CACNG2: variants seen among roughly 807,000 people sequenced by gnomAD.
CACNG2 encodes the protein calcium voltage-gated channel auxiliary subunit gamma 2.
Under a neutral mutation model 25.9 loss-of-function variants are expected in CACNG2, and 3 were observed. The observed-to-expected ratio is 0.12, with a 90% CI of 0.05 to 0.30. CACNG2 has a LOEUF of 0.30. Ranked by LOEUF, CACNG2 falls within the 10% of genes least tolerant of loss-of-function variation. The pLI is 1.00. For missense variants in CACNG2, 341 were observed against 432.5 expected, an observed-to-expected ratio of 0.79 and a Z score of 1.88; for synonymous variants, 167 against 173.3, an observed-to-expected ratio of 0.96 and a Z score of 0.29.
intron 1 of CACNG2, among the ~76,000 whole-genome samples, chr22:36,616,973 GA>G (rs533982536): frequency 6.4e-4 from 97 of 152,314 alleles, no homozygotes; most frequent in African/African-American, 2.2e-3. Context: ...CCAGGAAAGG[GA>G]CACAGACATT....
chr22:36,676,178 A>G (rs1431095572), intron 1 of CACNG2, among the ~76,000 whole-genome samples: 1 of 152,196 alleles, frequency 6.6e-6, no homozygotes, highest in Admixed American at 6.5e-5. Flanking sequence ...TGCTGCCCCA[A>G]TATGGGTTTT....
At position 36,564,335 on chromosome 22, in the gene CACNG2, G is replaced by C; in HGVS notation, c.*16C>G. ...CGCGCCCTCCTCCCGCGGTCTTCTGGCGAGGCCCGCGGTCTTTATACGGGG... is the reference window on the plus strand; with the variant it reads ...CGCGCCCTCCTCCCGCGGTCTTCTGCCGAGGCCCGCGGTCTTTATACGGGG... On this transcript the variant is annotated 3_prime_UTR_variant, in exon 4 of 4. Coordinates refer to ENST00000300105, the MANE Select transcript of CACNG2 (RefSeq NM_006078.5). This position sits in a 1 kb window ranked among gnomAD's most constrained non-coding sequence, Gnocchi z 6.7. 6.2e-7 allele frequency: 1 copy of C among 1,606,466 alleles called. No homozygotes were observed. The highest frequency in any genetic ancestry group is 8.5e-7 in the Non-Finnish European group (1 of 1,176,630).
chr22:36,624,847 G>A (rs1419048072), intron 1 of CACNG2, among the ~76,000 whole-genome samples: 1 of 151,868 alleles, frequency 6.6e-6, no homozygotes, highest in Non-Finnish European at 1.5e-5. Context: ...GGCCAACATG[G>A]TGAAACCCTG....
Position 36,561,613 on chromosome 22 carries a change from C to A in CACNG2, c.*2738G>T, listed in dbSNP as rs1935029990. The A allele has an allele frequency of 6.6e-6, 1 of 152,238 alleles. No homozygotes were observed. The highest frequency in any genetic ancestry group is 1.5e-5 in the Non-Finnish European group (1 of 68,078). 9.4% of individuals were successfully genotyped at this position (152,238 alleles called of 1,614,324 possible). A position where few individuals can be genotyped will look rare whatever the true frequency, so the allele number is the denominator to read the frequency against. ...CTTACTAGCCATTCTCTAGAACTCC[C>A]CAGAGAGCTCAACCTCAGGAAATGC... On this transcript the variant is annotated 3_prime_UTR_variant, in exon 4 of 4. Coordinates refer to ENST00000300105, the MANE Select transcript of CACNG2 (RefSeq NM_006078.5).
At chr22:36,575,619 A>T (rs1935300300) in intron 2 of CACNG2, among the ~76,000 whole-genome samples, 1 of 152,012 alleles carries the variant, frequency 6.6e-6, no homozygotes. Context: ...AGCATGTGCT[A>T]TTCCTTCTCT....
intron 1 of CACNG2, among the ~76,000 whole-genome samples, chr22:36,610,217 G>A (rs1364521489): frequency 2.0e-5 from 3 of 151,054 alleles, no homozygotes; most frequent in East Asian, 2.0e-4. Context: ...CCCTTAGAGC[G>A]TGATTGGGCA....
At chr22:36,568,806 G>C (rs1051420984) in intron 2 of CACNG2, among the ~76,000 whole-genome samples, 3 of 152,110 alleles carry the variant, frequency 2.0e-5, no homozygotes, top group Admixed American at 1.3e-4. Context: ...GGGTTATTTG[G>C]GGGGGACCTG....
intron 2 of CACNG2, among the ~76,000 whole-genome samples, chr22:36,570,762 C>CAAA (rs11445356): frequency 1.6e-4 from 10 of 64,126 alleles, no homozygotes; most frequent in African/African-American, 3.1e-4. Flanking sequence ...GACTCCATCT[C>CAAA]AAAAAAAAAA....
chr22:36,621,511 A>T (rs1936104817), intron 1 of CACNG2, among the ~76,000 whole-genome samples: 1 of 151,694 alleles, frequency 6.6e-6, no homozygotes, highest in Non-Finnish European at 1.5e-5. Flanking sequence ...CAGAGATTGC[A>T]CTGAGCTGAG....
chr22:36,681,105 C>CTGA lies in CACNG2; in HGVS notation c.211+21260_211+21261insTCA, dbSNP rs144737594. Reference sequence around the variant, plus strand: ...TAGAAGCTAAAGATCTATCTATCATCTATCTGTTCATCTCTCTGCCTATTA... The same window carrying CTGA: ...TAGAAGCTAAAGATCTATCTATCATCTGATATCTGTTCATCTCTCTGCCTATTA... On this transcript the variant is annotated intron_variant, in intron 1 of 3. Coordinates refer to ENST00000300105, the MANE Select transcript of CACNG2 (RefSeq NM_006078.5). Among the ~76,000 whole-genome samples, 438 of 152,304 alleles carry CTGA rather than the reference C, an allele frequency of 2.9e-3. 1 individual carries two copies. The highest frequency in any genetic ancestry group is 0.01 in the African/African-American group (426 of 41,564).
chr22:36,671,810 C>T (rs1167030505), intron 1 of CACNG2, among the ~76,000 whole-genome samples: 2 of 152,164 alleles, frequency 1.3e-5, no homozygotes, highest in African/African-American at 4.8e-5. Flanking sequence ...CTTTCACCTC[C>T]TTTTCAGGCA....
At chr22:36,591,046 T>A (rs116017697) in intron 1 of CACNG2, among the ~76,000 whole-genome samples, 13,070 of 151,890 alleles carry the variant, frequency 0.086, 1,106 homozygotes, top group African/African-American at 0.22. Flanking sequence ...AGATATATTT[T>A]TTTTTTTTGA....
At chr22:36,657,966 A>G (rs1305066697) in intron 1 of CACNG2, among the ~76,000 whole-genome samples, 1 of 152,108 alleles carries the variant, frequency 6.6e-6, no homozygotes, top group Non-Finnish European at 1.5e-5. Flanking sequence ...GAGACTGTGA[A>G]GTGGGCACAG....
chr22:36,652,024 C>T (rs910415568), intron 1 of CACNG2, among the ~76,000 whole-genome samples: 4 of 152,080 alleles, frequency 2.6e-5, no homozygotes, highest in African/African-American at 9.7e-5. Context: ...CCACCATGCC[C>T]GGCTAATATT....
intron 1 of CACNG2, among the ~76,000 whole-genome samples, chr22:36,660,386 G>A (rs886498651): frequency 2.6e-5 from 4 of 152,276 alleles, no homozygotes; most frequent in Non-Finnish European, 4.4e-5. Flanking sequence ...AGTGCCAGGC[G>A]CGCACAGGCA....
intron 1 of CACNG2, among the ~76,000 whole-genome samples, chr22:36,700,001 T>C (rs939889737): frequency 6.6e-6 from 1 of 152,200 alleles, no homozygotes; most frequent in African/African-American, 2.4e-5. Flanking sequence ...GGCCCGGAGC[T>C]CCAGCCCTTC....
At chr22:36,569,731 G>A (rs991176470) in intron 2 of CACNG2, among the ~76,000 whole-genome samples, 2 of 152,162 alleles carry the variant, frequency 1.3e-5, no homozygotes, top group Non-Finnish European at 2.9e-5. Flanking sequence ...GTAGAGATGG[G>A]TTTTCGCCAT....
In CACNG2 at chr22:36,606,223, C is replaced by G. The variant is rs1297512740; in HGVS notation, c.212-18675G>C. Among the ~76,000 whole-genome samples the G allele has an allele frequency of 6.6e-6, 1 of 152,170 alleles. No individual in the cohort carries two copies. Among genetic ancestry groups the G allele is most frequent in the Non-Finnish European group, 1.5e-5 (1 of 68,038 alleles). Reference sequence around the variant, plus strand: ...CCCAGAGCTGAGTCTTGAGAGGACCCTAGACAAATAATTAATGCAGACGAC... The same window carrying G: ...CCCAGAGCTGAGTCTTGAGAGGACCGTAGACAAATAATTAATGCAGACGAC... On this transcript the variant is annotated intron_variant, in intron 1 of 3. Coordinates refer to ENST00000300105, the MANE Select transcript of CACNG2 (RefSeq NM_006078.5). This position sits in a 1 kb window ranked among gnomAD's most constrained non-coding sequence, Gnocchi z 5.7.
intron 1 of CACNG2, among the ~76,000 whole-genome samples, chr22:36,682,154 C>T (rs533685631): frequency 6.6e-6 from 1 of 152,330 alleles, no homozygotes; most frequent in East Asian, 1.9e-4. Context: ...GGAGGGTTCC[C>T]ACAGCTTGGC....
Sources: gnomAD v4.1 joint callset for allele counts (sites outside exome capture counted in the v4.1 genomes callset) on GRCh38, gnomAD v4.1.1 for gene constraint, Gnocchi (gnomAD v3.1) non-coding constraint, MANE v1.5 for transcripts, NCBI Gene and HGNC (gene_info 2026-07-23, HGNC 2026-07-21) for gene names.